Variants in SBNO1 observed in about 807,000 individuals in gnomAD.
SBNO1 encodes protein strawberry notch homolog 1.
Under a neutral mutation model 173.6 loss-of-function variants are expected in SBNO1, and 23 were observed. That is an observed-to-expected ratio of 0.13 (90% confidence interval 0.10 to 0.19). The LOEUF (loss-of-function observed/expected upper bound fraction) is 0.19, where lower values mean the gene tolerates loss of function less well. Among genes scored for constraint, SBNO1 ranks in the 10% least tolerant of loss-of-function variants. SBNO1 has a pLI of 1.00. For synonymous variants in SBNO1, 632 were observed against 571.5 expected, an observed-to-expected ratio of 1.11 and a Z score of -1.51; for missense variants, 1,238 against 1,671.2, an observed-to-expected ratio of 0.74 and a Z score of 4.52.
intron 5 of SBNO1, 91 bp downstream of exon 5, chr12:123,340,897 A>T: frequency 1.3e-6 from 1 of 785,302 alleles, no homozygotes; most frequent in Non-Finnish European, 2.1e-6. Flanking sequence ...ACCCAAAAAC[A>T]GCTTTCTGAG....
At chr12:123,315,316 C>T (rs1750747080) in intron 23 of SBNO1, 57 bp downstream of exon 23, 1 of 1,360,486 alleles carries the variant, frequency 7.4e-7, no homozygotes. Flanking sequence ...TTTTGTGTTC[C>T]CGAAAGACAC....
chr12:123,359,881 A>C (rs1452943040), intron 1 of SBNO1, among the ~76,000 whole-genome samples: 2 of 152,170 alleles, frequency 1.3e-5, no homozygotes, highest in African/African-American at 2.4e-5. Context: ...CAACTGCAAA[A>C]ACTTTAGGAT....
intron 20 of SBNO1, among the ~76,000 whole-genome samples, chr12:123,319,008 G>C (rs1869647917): frequency 6.7e-6 from 1 of 149,240 alleles, no homozygotes; most frequent in Admixed American, 6.7e-5. Flanking sequence ...CTGCTGCCCA[G>C]GTGGAAATGC....
In SBNO1 at chr12:123,336,395, A is replaced by G. The variant is rs772927693; in HGVS notation, c.748T>C (p.Leu250=). Residue 250 remains leucine, a splice_region_variant and synonymous_variant, in exon 6 of 32, where the codon TTA becomes CTA. Coordinates refer to ENST00000602398, the MANE Select transcript of SBNO1 (RefSeq NM_001167856.3). ...ETYAEYMPIK[L]KIGLRHPDAV... is the part of the protein sequence containing the mutation. ...TATCTGACAAATCCCGAAGACATAC[A>G]TTTTATTGGCATGTATTCTGCATAG... The G allele has an allele frequency of 2.6e-6, 4 of 1,555,430 alleles. No individual in the cohort carries two copies. In the Admixed American group the frequency reaches 7.1e-5, roughly 28 times the overall value.
intron 1 of SBNO1, among the ~76,000 whole-genome samples, chr12:123,360,885 G>A (rs1245821128): frequency 6.6e-6 from 1 of 152,144 alleles, no homozygotes; most frequent in Admixed American, 6.5e-5. Context: ...CGCCAAGGCA[G>A]GCAGATCACG....
chr12:123,321,130 G>A (rs961641489), intron 17 of SBNO1, among the ~76,000 whole-genome samples: 1 of 152,010 alleles, frequency 6.6e-6, no homozygotes, highest in Admixed American at 6.6e-5. Flanking sequence ...GTAGAGATGG[G>A]GTTTTTCCAC....
intron 16 of SBNO1, among the ~76,000 whole-genome samples, chr12:123,322,848 C>T (rs1279956732): frequency 6.6e-6 from 1 of 151,096 alleles, no homozygotes; most frequent in African/African-American, 2.4e-5. Context: ...CCACTGCACT[C>T]CAGCCTGGGT....
At chr12:123,336,001 G>A (rs1871795574) in intron 6 of SBNO1, among the ~76,000 whole-genome samples, 1 of 152,004 alleles carries the variant, frequency 6.6e-6, no homozygotes. Context: ...TTCCTGTAAT[G>A]AAAAAGTGAA....
chr12:123,313,230 A>G (rs1868823945), intron 24 of SBNO1, among the ~76,000 whole-genome samples: 1 of 148,314 alleles, frequency 6.7e-6, no homozygotes, highest in East Asian at 1.9e-4. Context: ...ATAAATAAAT[A>G]AATAAATAAA....
intron 30 of SBNO1, among the ~76,000 whole-genome samples, chr12:123,299,681 C>CAAAAAAAAAAAAAAAAAAA (rs538218167): frequency 1.7e-4 from 16 of 93,890 alleles, no homozygotes; most frequent in East Asian, 1.2e-3. Context: ...ACTCTGTCTT[C>CAAAAAAAAAAAAAAAAAAA]AAAAAAAAAA....
rs535407814 is a variant in SBNO1 at position 123,334,303 on chromosome 12, T to C, written c.749-90A>G. 3.9e-5 allele frequency: 32 copies of C among 814,324 alleles called. 1 individual carries two copies. Among genetic ancestry groups the C allele is most frequent in the East Asian group, 3.5e-4 (12 of 34,122 alleles). The allele number at this position is 814,324 out of a possible 1,614,324, so 50.4% of individuals were successfully genotyped here. On this transcript the variant is annotated intron_variant, in intron 6 of 31. Transcript: ENST00000602398. ...ATAAGATATTTCAATGTTTTTCTTA[T>C]AACATAGAAAAATAATTAAAAAGTA...
chr12:123,358,071 G>C (rs990278181), intron 1 of SBNO1, among the ~76,000 whole-genome samples: 1 of 152,144 alleles, frequency 6.6e-6, no homozygotes, highest in Non-Finnish European at 1.5e-5. Flanking sequence ...GGGTTTTTTG[G>C]ATTTTGGAAT....
chr12:123,349,991 G>A (rs367606030), intron 2 of SBNO1, among the ~76,000 whole-genome samples: 4 of 152,088 alleles, frequency 2.6e-5, no homozygotes, highest in African/African-American at 9.6e-5. Context: ...AGCTTGGCTC[G>A]CACCTGTAAT....
chr12:123,319,315 C>T (rs1317694115), intron 20 of SBNO1, among the ~76,000 whole-genome samples: 1 of 151,992 alleles, frequency 6.6e-6, no homozygotes, highest in African/African-American at 2.4e-5. Context: ...GCCTCCAAAG[C>T]ACTCAAGAGC....
chr12:123,328,833 A>T lies in SBNO1; in HGVS notation c.1197T>A (p.Ala399=), dbSNP rs372796875. 1 of 1,608,782 alleles carries T rather than the reference A, an allele frequency of 6.2e-7. No individual in the cohort carries two copies. The highest frequency in any genetic ancestry group is 1.3e-5 in the African/African-American group (1 of 74,880). The change falls in exon 10 of 32, where the codon GCT becomes GCA. Residue 399 remains alanine (A), a synonymous_variant. Coordinates refer to ENST00000602398, the MANE Select transcript of SBNO1 (RefSeq NM_001167856.3). ...TTTCACCAATAAGTGAAGAGTAAGT[A>T]GCAAAAATAACACCCTTTTTCACAC... ...NGSVKKGVIF[A]TYSSLIGESQ...
Position 123,289,629 on chromosome 12 carries a change from A to C in SBNO1, c.*6279T>G, listed in dbSNP as rs2048481779. The C allele has an allele frequency of 6.6e-6, 1 of 152,218 alleles. No individual in the cohort carries two copies. Among genetic ancestry groups the C allele is most frequent in the Non-Finnish European group, 1.5e-5 (1 of 68,040 alleles). 9.4% of individuals were successfully genotyped at this position (152,218 alleles called of 1,614,324 possible). On this transcript the variant is annotated 3_prime_UTR_variant, in exon 32 of 32. Transcript: ENST00000602398. ...CTCAGAGGAGGTAGAACCTGGCCAA[A>C]GTTTTATTGCAGAGATACAGTGTAC...
rs1461390872 is a variant in SBNO1, at chr12:123,301,235, T to A, written c.3845+1589A>T. ...GTTGGCCAGGCTGGTCTTGAATTCC[T>A]GGACTCATGTGATCCATCTCGACCT... On this transcript the variant is annotated intron_variant, in intron 30 of 31. Coordinates refer to ENST00000602398, the MANE Select transcript of SBNO1 (RefSeq NM_001167856.3). Among the ~76,000 whole-genome samples the A allele has an allele frequency of 2.6e-5, 4 of 152,278 alleles. No homozygotes were observed. In the East Asian group the frequency reaches 7.7e-4, roughly 29 times the overall value.
intron 7 of SBNO1, among the ~76,000 whole-genome samples, chr12:123,333,316 A>G (rs1038945185): frequency 9.2e-5 from 14 of 152,070 alleles, no homozygotes; most frequent in Non-Finnish European, 1.8e-4. Flanking sequence ...AAAAGCCCAC[A>G]CAACACCCCA....
rs2048510082 is a variant in SBNO1, at chr12:123,291,482, C to T, written c.*4426G>A. On this transcript the variant is annotated 3_prime_UTR_variant, in exon 32 of 32. Transcript: ENST00000602398. The stretch of plus-strand genomic sequence containing the variant: ...GCTTCCAAAGAACAACATAAACGAG[C>T]ATCAGCAGTCATACAATGACAGTAT... 6.6e-6 allele frequency: 1 copy of T among 152,098 alleles called. No individual in the cohort carries two copies. Among genetic ancestry groups the T allele is most frequent in the Non-Finnish European group, 1.5e-5 (1 of 68,024 alleles). The allele number at this position is 152,098 out of a possible 1,614,324, so 9.4% of individuals were successfully genotyped here. A position where few individuals can be genotyped will look rare whatever the true frequency, so the allele number is the denominator to read the frequency against.
Sources: gnomAD v4.1 joint callset for allele counts (sites outside exome capture counted in the v4.1 genomes callset) on GRCh38, gnomAD v4.1.1 for gene constraint, MANE v1.5 for transcripts, NCBI Gene and HGNC (gene_info 2026-07-23, HGNC 2026-07-21) for gene names.